XCR1: variants seen among roughly 807,000 people sequenced by gnomAD.
XCR1 encodes chemokine XC receptor 1.
For missense variants in XCR1, 356 were observed against 424.2 expected (o/e 0.84, Z 1.41); for synonymous variants, 187 against 188.5 (o/e 0.99, Z 0.06).
chr3:46,064,319 G>A (rs1698022613), intron 4 of XCR1, among the ~76,000 whole-genome samples: 1 of 152,112 alleles, frequency 6.6e-6, no homozygotes, highest in Non-Finnish European at 1.5e-5. Context: ...TTGTTCATTG[G>A]TCTGTCTCTC....
intron 5 of XCR1, among the ~76,000 whole-genome samples, chr3:46,040,130 A>C (rs1697512076): frequency 6.6e-6 from 1 of 152,206 alleles, no homozygotes; most frequent in African/African-American, 2.4e-5. Flanking sequence ...GTAAAACCAC[A>C]GAAGAACAAA....
At position 46,038,035 on chromosome 3, in the gene XCR1, T is replaced by TTG. The variant is rs1553632509; in HGVS notation, c.-32+15884_-32+15885insCA. On this transcript the variant is annotated intron_variant, in intron 5 of 5. Transcript: ENST00000683768. ...TGTGCACGGGTTTGTTTTTTGTTTT[T>TTG]TTTTTTTTTTGAGAGGGAGTCTTGC... 9.6e-5 allele frequency among the ~76,000 whole-genome samples: 12 copies of TTG among 124,978 alleles called. No homozygotes were observed. In the East Asian group the frequency reaches 2.3e-3, roughly 24 times the overall value. The allele number at this position is 124,978 out of a possible 152,430, so 82.0% of individuals were successfully genotyped here.
At chr3:46,053,921 A>G (rs1337050840) in exon 5 of XCR1, among the ~76,000 whole-genome samples, 1 of 149,126 alleles carries the variant, frequency 6.7e-6, no homozygotes, top group African/African-American at 2.5e-5. Flanking sequence ...GGCACTGACC[A>G]TAATTATATC....
chr3:46,065,477 A>G (rs1698051676), intron 4 of XCR1, among the ~76,000 whole-genome samples: 2 of 152,176 alleles, frequency 1.3e-5, no homozygotes, highest in South Asian at 4.1e-4. Context: ...CCGGCAGCTG[A>G]GCTGTTCTGG....
intron 1 of XCR1, among the ~76,000 whole-genome samples, chr3:46,026,624 C>T (rs1407731613): frequency 2.0e-5 from 3 of 151,010 alleles, no homozygotes; most frequent in African/African-American, 4.9e-5. Flanking sequence ...GTTCTGTCCC[C>T]TAGTCTGGAG....
intron 4 of XCR1, among the ~76,000 whole-genome samples, chr3:46,057,983 G>A (rs542749351): frequency 2.2e-4 from 33 of 149,314 alleles, no homozygotes; most frequent in African/African-American, 8.0e-4. Context: ...ATCATCTATC[G>A]ATCATCTATC....
intron 1 of XCR1, chr3:46,023,150 G>A (rs998305020): frequency 1.4e-4 from 55 of 382,604 alleles, no homozygotes; most frequent in Non-Finnish European, 2.5e-4. Context: ...CGCAGGGGGC[G>A]GGCCCGTGGC....
chr3:46,031,225 C>T (rs1708389101), upstream of XCR1, among the ~76,000 whole-genome samples: 1 of 152,240 alleles, frequency 6.6e-6, no homozygotes, highest in African/African-American at 2.4e-5. Context: ...CTCCAAGGCA[C>T]TGCTACAGCC....
chr3:46,023,946 T>A, intron 1 of XCR1: 1 of 1,468,406 alleles, frequency 6.8e-7, no homozygotes, highest in Non-Finnish European at 9.5e-7. Flanking sequence ...TGGATGTAGA[T>A]GCTGATTTTG....
intron 5 of XCR1, among the ~76,000 whole-genome samples, chr3:46,047,960 T>A (rs1697666920): frequency 6.6e-6 from 1 of 152,158 alleles, no homozygotes; most frequent in Non-Finnish European, 1.5e-5. Flanking sequence ...GTCAGCACAA[T>A]TAGGGCGACT....
At chr3:46,065,185 A>C (rs929131040) in intron 4 of XCR1, among the ~76,000 whole-genome samples, 3 of 152,234 alleles carry the variant, frequency 2.0e-5, no homozygotes, top group Non-Finnish European at 4.4e-5. Context: ...ATAAGATCTA[A>C]TAAAATGGTT....
rs1307504719 is a variant in XCR1, at chr3:46,018,293, C to T, written c.*2653G>A. ...GAGCTTCTCAAGGGGCCTCAACCCC[C>T]AAACCTGCCTTCTAAGAAGGGTGGG... On this transcript the variant is annotated 3_prime_UTR_variant, in exon 2 of 2. Transcript: ENST00000309285. The T allele has an allele frequency of 2.6e-5, 4 of 152,174 alleles. No individual in the cohort carries two copies. Among genetic ancestry groups the T allele is most frequent in the African/African-American group, 9.7e-5 (4 of 41,438 alleles). The allele number at this position is 152,174 out of a possible 1,614,324, so 9.4% of individuals were successfully genotyped here.
chr3:46,056,817 C>T (rs1250043765), intron 4 of XCR1, among the ~76,000 whole-genome samples: 2 of 151,994 alleles, frequency 1.3e-5, no homozygotes, highest in Admixed American at 6.6e-5. Flanking sequence ...AAACAAACAC[C>T]CATGTGTTTG....
At chr3:46,074,253 C>G in intron 3 of XCR1, among the ~76,000 whole-genome samples, 1 of 72,836 alleles carries the variant, frequency 1.4e-5, no homozygotes, top group Non-Finnish European at 2.6e-5. Context: ...GACAGGGTCT[C>G]TTTTCTGTTG....
At chr3:46,051,495 C>T (rs1011501317) in intron 5 of XCR1, among the ~76,000 whole-genome samples, 3 of 152,314 alleles carry the variant, frequency 2.0e-5, no homozygotes, top group African/African-American at 4.8e-5. Flanking sequence ...ATATTACTGA[C>T]ACATCAGCTC....
At chr3:46,078,545 G>A (rs1698302166) in intron 1 of XCR1, among the ~76,000 whole-genome samples, 1 of 152,204 alleles carries the variant, frequency 6.6e-6, no homozygotes, top group Non-Finnish European at 1.5e-5. Flanking sequence ...AGGGTAGGGG[G>A]AACAGCGTTT....
At chr3:46,074,097 T>C (rs973545006) in intron 3 of XCR1, among the ~76,000 whole-genome samples, 13 of 151,582 alleles carry the variant, frequency 8.6e-5, no homozygotes, top group African/African-American at 3.2e-4. Context: ...GAAAAGAAAA[T>C]AGTTATATCA....
chr3:46,055,200 A>T lies in XCR1; in HGVS notation c.-182-1130T>A, dbSNP rs137977937. Among the ~76,000 whole-genome samples the T allele has an allele frequency of 1.4e-3, 208 of 152,334 alleles. 1 individual carries two copies. The highest frequency in any genetic ancestry group is 0.01 in the Middle Eastern group (3 of 294). Reference sequence around the variant, plus strand: ...ACTCACTTCTTTGTAACCAAAAGTCACGTAGCACTTGATACTGACCATTGG... The same window carrying T: ...ACTCACTTCTTTGTAACCAAAAGTCTCGTAGCACTTGATACTGACCATTGG... On this transcript the variant is annotated intron_variant, in intron 4 of 5. Coordinates refer to the XCR1 transcript ENST00000683768.
chr3:46,069,936 T>C (rs527598437), intron 3 of XCR1, among the ~76,000 whole-genome samples: 1 of 152,070 alleles, frequency 6.6e-6, no homozygotes, highest in East Asian at 1.9e-4. Flanking sequence ...AGAAGTTTAA[T>C]GCTATAAACT....
Sources: allele counts gnomAD v4.1 joint callset (sites outside exome capture counted in the v4.1 genomes callset), GRCh38; gene constraint gnomAD v4.1.1; transcripts MANE v1.5; gene names NCBI Gene and HGNC (gene_info 2026-07-23, HGNC 2026-07-21).